Variants in MAGI2 observed in about 807,000 individuals in gnomAD.
MAGI2 encodes the protein membrane associated guanylate kinase, WW and PDZ domain containing 2, also known as membrane-associated guanylate kinase, WW and PDZ domain-containing protein 2.
In MAGI2, 35 loss-of-function variants were observed where a neutral mutation model predicts 133.3. The observed-to-expected ratio is 0.26, with a 90% confidence interval of 0.20 to 0.35. The LOEUF (loss-of-function observed/expected upper bound fraction) is 0.35, where lower values mean the gene tolerates loss of function less well. Among genes scored for constraint, MAGI2 ranks in the 10% least tolerant of loss-of-function variants. The pLI, the probability that MAGI2 is intolerant of heterozygous loss-of-function variation, is 1.00. For synonymous variants in MAGI2, 729 were observed against 710.6 expected (o/e 1.03, Z -0.41); for missense variants, 1,636 against 1,863.4 (o/e 0.88, Z 2.25).
chr7:79,365,302 C>T (rs532925421), intron 1 of MAGI2, among the ~76,000 whole-genome samples: 1 of 152,280 alleles, frequency 6.6e-6, no homozygotes, highest in East Asian at 1.9e-4. Flanking sequence ...CAAAATGGTA[C>T]AGCTAGTTTG....
At chr7:78,284,800 T>C (rs1584717586) in intron 9 of MAGI2, among the ~76,000 whole-genome samples, 1 of 152,048 alleles carries the variant, frequency 6.6e-6, no homozygotes, top group Admixed American at 6.6e-5. Context: ...ACCTTGATTA[T>C]ATGGTAGGAG....
intron 1 of MAGI2, among the ~76,000 whole-genome samples, chr7:79,028,926 A>G (rs1002150628): frequency 6.6e-6 from 1 of 152,202 alleles, no homozygotes; most frequent in African/African-American, 2.4e-5. Flanking sequence ...CTTTTGATAA[A>G]TAATCAACTT....
intron 6 of MAGI2, among the ~76,000 whole-genome samples, chr7:78,475,829 G>A (rs1791690220): frequency 6.6e-6 from 1 of 151,808 alleles, no homozygotes. Flanking sequence ...AGTAGAACTT[G>A]AACATTTAGG....
chr7:78,419,600 A>AT lies in MAGI2; in HGVS notation c.1046-50388dup, dbSNP rs149554875. Among the ~76,000 whole-genome samples, 1,089 of 144,602 alleles carry AT rather than the reference A, an allele frequency of 7.5e-3. 26 individuals carry two copies. Among genetic ancestry groups the AT allele is most frequent in the East Asian group, 0.07 (342 of 4,892 alleles). The allele number at this position is 144,602 out of a possible 152,430, so 94.9% of individuals were successfully genotyped here. On this transcript the variant is annotated intron_variant, in intron 6 of 21. Transcript: ENST00000354212. ...AGACTGAGTCTGGGATTGAGCAGTG[A>AT]TTTTTTTTTTTTTTTTTTTTTAAGG...
At chr7:79,165,731 A>T (rs1156487772) in intron 1 of MAGI2, among the ~76,000 whole-genome samples, 1 of 152,076 alleles carries the variant, frequency 6.6e-6, no homozygotes, top group African/African-American at 2.4e-5. Flanking sequence ...ATAACACAAT[A>T]CTAAATTATA....
At chr7:79,075,996 A>C (rs1815428131) in intron 1 of MAGI2, among the ~76,000 whole-genome samples, 1 of 152,250 alleles carries the variant, frequency 6.6e-6, no homozygotes, top group African/African-American at 2.4e-5. Flanking sequence ...TGCTTACAGC[A>C]AATACATACT....
intron 1 of MAGI2, among the ~76,000 whole-genome samples, chr7:79,257,578 A>G (rs1398849273): frequency 6.6e-6 from 1 of 152,178 alleles, no homozygotes; most frequent in Non-Finnish European, 1.5e-5. Flanking sequence ...GCCAATCATC[A>G]CAGATGTCTT....
intron 6 of MAGI2, among the ~76,000 whole-genome samples, chr7:78,480,644 T>C (rs1792267745): frequency 6.6e-6 from 1 of 151,954 alleles, no homozygotes; most frequent in African/African-American, 2.4e-5. Flanking sequence ...CTTATGATTA[T>C]ATCAGTTGAA....
intron 6 of MAGI2, among the ~76,000 whole-genome samples, chr7:78,439,475 A>T (rs578044896): frequency 6.6e-6 from 1 of 152,302 alleles, no homozygotes; most frequent in South Asian, 2.1e-4. Context: ...GAAGTGGGGC[A>T]GGCCTTTGTA....
chr7:79,062,040 A>G (rs192985894), intron 1 of MAGI2, among the ~76,000 whole-genome samples: 103 of 152,266 alleles, frequency 6.8e-4, no homozygotes, highest in Admixed American at 3.6e-3. Flanking sequence ...CAATAAAATG[A>G]TAAGTCCTTT....
intron 1 of MAGI2, among the ~76,000 whole-genome samples, chr7:79,169,452 C>G (rs1488038120): frequency 6.6e-6 from 1 of 151,994 alleles, no homozygotes; most frequent in Admixed American, 6.6e-5. Flanking sequence ...CTTTTACTAC[C>G]ATGAAGACTT....
At chr7:79,097,779 T>C (rs1291444927) in intron 1 of MAGI2, among the ~76,000 whole-genome samples, 1 of 152,202 alleles carries the variant, frequency 6.6e-6, no homozygotes, top group Non-Finnish European at 1.5e-5. Flanking sequence ...ACATTTTATC[T>C]ACATAAGCAG....
At chr7:79,268,437 C>T (rs2129557012) in intron 1 of MAGI2, among the ~76,000 whole-genome samples, 1 of 152,272 alleles carries the variant, frequency 6.6e-6, no homozygotes, top group Admixed American at 6.5e-5. Context: ...CATGCTTTTT[C>T]TTAGCTGCTA....
intron 1 of MAGI2, among the ~76,000 whole-genome samples, chr7:79,109,818 C>T (rs2129543807): frequency 6.6e-6 from 1 of 152,024 alleles, no homozygotes; most frequent in African/African-American, 2.4e-5. Context: ...CAGGCTTTTC[C>T]ATACATCCTC....
At chr7:79,240,207 A>G (rs975864832) in intron 1 of MAGI2, among the ~76,000 whole-genome samples, 6 of 152,118 alleles carry the variant, frequency 3.9e-5, no homozygotes, top group African/African-American at 1.4e-4. Context: ...GTCAGGTCTT[A>G]AAGGATGAGC....
At chr7:79,311,757 T>C (rs1489291182) in intron 1 of MAGI2, among the ~76,000 whole-genome samples, 1 of 152,108 alleles carries the variant, frequency 6.6e-6, no homozygotes, top group Non-Finnish European at 1.5e-5. Flanking sequence ...TCAAAAACAA[T>C]ATTGTAACCA....
At chr7:79,081,491 G>T (rs1474854119) in intron 1 of MAGI2, among the ~76,000 whole-genome samples, 2 of 152,110 alleles carry the variant, frequency 1.3e-5, no homozygotes, top group African/African-American at 4.8e-5. Flanking sequence ...CATTGCACAT[G>T]GAAATTTCTC....
chr7:79,128,129 T>G (rs1183636703), intron 1 of MAGI2, among the ~76,000 whole-genome samples: 1 of 152,172 alleles, frequency 6.6e-6, no homozygotes, highest in Non-Finnish European at 1.5e-5. Flanking sequence ...GCATTATTTC[T>G]GAGGGCTCTG....
chr7:79,265,915 A>G (rs930405926), intron 1 of MAGI2, among the ~76,000 whole-genome samples: 5 of 152,114 alleles, frequency 3.3e-5, no homozygotes, highest in Non-Finnish European at 7.4e-5. Flanking sequence ...TTTGTTTTCT[A>G]TTTTGTGCTG....
Sources: gnomAD v4.1 joint callset for allele counts (sites outside exome capture counted in the v4.1 genomes callset) on GRCh38, gnomAD v4.1.1 for gene constraint, MANE v1.5 for transcripts, NCBI Gene and HGNC (gene_info 2026-07-23, HGNC 2026-07-21) for gene names.